Variants in PCDHA5 observed in about 807,000 individuals in gnomAD.
PCDHA5 encodes protocadherin alpha 5.
PCDHA5 carries 43 observed loss-of-function variants against 61.6 expected under a neutral mutation model. That is an observed-to-expected ratio of 0.70 (90% confidence interval 0.55 to 0.90). The LOEUF (loss-of-function observed/expected upper bound fraction) is 0.90. PCDHA5 is among the 40% of genes least tolerant of loss of function. The pLI is 0.00. For synonymous variants in PCDHA5, 627 were observed against 543.9 expected (o/e 1.15, Z -2.13); for missense variants, 1,298 against 1,222.7 (o/e 1.06, Z -0.92).
rs2150125115 is a variant in PCDHA5 at position 140,823,375 on chromosome 5, G to A, written c.1600G>A (p.Val534Met). 6 of 1,612,690 alleles carry A rather than the reference G, an allele frequency of 3.7e-6. No homozygotes were observed. The East Asian group carries it at 8.9e-5, about 24-fold the overall frequency. Residue 534 changes from valine to methionine, a missense_variant, in exon 1 of 4, where the codon GTG (valine) becomes ATG (methionine). Physicochemically the swap from Val to Met is conservative, Grantham distance 21. Coordinates refer to ENST00000529859, the MANE Select transcript of PCDHA5 (RefSeq NM_018908.3). The stretch of plus-strand genomic sequence containing the variant: ...GGAAGTGGAGCTGCTGCAGTTCCAG[G>A]TGAGCGCGCGCGACGCGGGCGTGCC... ...HEEVELLQFQ[V>M]SARDAGVPPL...
chr5:140,929,033 G>A (rs2085746479), intron 1 of PCDHA5: 1 of 1,614,186 alleles, frequency 6.2e-7, no homozygotes, highest in Non-Finnish European at 8.5e-7. Flanking sequence ...CCAGGCTGTT[G>A]CGCTCAGAGC....
rs2150238489 is a variant in PCDHA5 at position 140,835,571 on chromosome 5, G to C, written c.2352+11444G>C. 6 of 1,613,800 alleles carry C rather than the reference G, an allele frequency of 3.7e-6. 1 individual carries two copies. The highest frequency in any genetic ancestry group is 5.1e-6 in the Non-Finnish European group (6 of 1,179,886). On this transcript the variant is annotated intron_variant, in intron 1 of 3. Coordinates refer to ENST00000529859, the MANE Select transcript of PCDHA5 (RefSeq NM_018908.3). ...CCCTGACGCCCCGCGTTCCCTTCAAGTTGGTGTCCACCTTCAAGAATTACT... is the reference window on the plus strand; with the variant it reads ...CCCTGACGCCCCGCGTTCCCTTCAACTTGGTGTCCACCTTCAAGAATTACT...
rs144735555 is a variant in PCDHA5 at position 140,884,569 on chromosome 5, G to C, written c.2352+60442G>C. The stretch of plus-strand genomic sequence containing the variant: ...GCTCTGGGGAGGGCCCGCATAAGAC[G>C]GACCTCATGGCCTTCAGTCCCAGCC... On this transcript the variant is annotated intron_variant, in intron 1 of 3. Transcript: ENST00000529859. 7 of 1,614,008 alleles carry C rather than the reference G, an allele frequency of 4.3e-6. No individual in the cohort carries two copies. In the African/African-American group the frequency reaches 8.0e-5, roughly 18 times the overall value.
chr5:140,907,914 T>A (rs2073690399), intron 1 of PCDHA5, among the ~76,000 whole-genome samples: 4 of 152,242 alleles, frequency 2.6e-5, no homozygotes, highest in Admixed American at 1.3e-4. Context: ...TTTTGACCAC[T>A]CAGAGAGGTC....
chr5:140,886,463 GT>G (rs1387154249), intron 1 of PCDHA5, among the ~76,000 whole-genome samples: 5 of 152,042 alleles, frequency 3.3e-5, no homozygotes, highest in East Asian at 1.9e-4. Flanking sequence ...ATATATAAAT[GT>G]TTTTAAAATG....
intron 1 of PCDHA5, chr5:140,848,307 CTT>C (rs1781430296): frequency 1.4e-6 from 1 of 711,402 alleles, no homozygotes; most frequent in Non-Finnish European, 2.4e-6. Context: ...TGATGTCACT[CTT>C]TGCCGCGATG....
intron 3 of PCDHA5, among the ~76,000 whole-genome samples, chr5:140,984,944 TC>T (rs1554246626): frequency 6.6e-6 from 1 of 151,930 alleles, no homozygotes; most frequent in Non-Finnish European, 1.5e-5. Flanking sequence ...AAATGTCTAA[TC>T]TTTTTTTTTT....
chr5:140,959,038 A>ATG (rs1387162159), intron 1 of PCDHA5, among the ~76,000 whole-genome samples: 2 of 151,994 alleles, frequency 1.3e-5, no homozygotes, highest in Non-Finnish European at 2.9e-5. Flanking sequence ...ATGGGTATGT[A>ATG]TGTATAGGAA....
At chr5:140,968,322 C>T (rs782755782) in intron 1 of PCDHA5, 9 of 1,614,122 alleles carry the variant, frequency 5.6e-6, no homozygotes, top group Non-Finnish European at 6.8e-6. Context: ...CTGCCAGTCA[C>T]CTCCTATGTC....
rs2098418726 is a variant in PCDHA5 at position 141,010,899 on chromosome 5, C to T, written c.*962C>T. 2 of 153,680 alleles carry T rather than the reference C, an allele frequency of 1.3e-5. No individual in the cohort carries two copies. Among genetic ancestry groups the T allele is most frequent in the Admixed American group, 6.6e-5 (1 of 15,264 alleles). The allele number at this position is 153,680 out of a possible 1,614,324, so 9.5% of individuals were successfully genotyped here. ...TTTAAAGAGAAATATGAATACAATT[C>T]CCCTAAACTCTCCTCAAAAGAGAAT... On this transcript the variant is annotated 3_prime_UTR_variant, in exon 4 of 4. Coordinates refer to ENST00000529859, the MANE Select transcript of PCDHA5 (RefSeq NM_018908.3).
intron 3 of PCDHA5, among the ~76,000 whole-genome samples, chr5:140,987,510 C>A (rs1225122300): frequency 6.6e-6 from 1 of 152,184 alleles, no homozygotes; most frequent in Non-Finnish European, 1.5e-5. Flanking sequence ...ACCTCTGCCA[C>A]TCAGTAATTG....
At chr5:140,948,865 C>T (rs1358865868) in intron 1 of PCDHA5, among the ~76,000 whole-genome samples, 4 of 151,324 alleles carry the variant, frequency 2.6e-5, no homozygotes, top group African/African-American at 4.8e-5. Flanking sequence ...TATATTACTT[C>T]GGGTTTACTT....
chr5:140,948,315 G>A (rs246048), intron 1 of PCDHA5, among the ~76,000 whole-genome samples: 85,363 of 151,182 alleles, frequency 0.56, 24,689 homozygotes, highest in African/African-American at 0.69. Context: ...TTCTTGAGGG[G>A]TAATGTTTTC....
intron 1 of PCDHA5, chr5:140,859,219 T>G (rs901080538): frequency 2.0e-5 from 3 of 149,830 alleles, no homozygotes; most frequent in African/African-American, 4.9e-5. Context: ...CTCTTTCACT[T>G]TAAGGAAGGA....
chr5:140,990,758 C>G (rs1432023166), intron 3 of PCDHA5, among the ~76,000 whole-genome samples: 1 of 152,162 alleles, frequency 6.6e-6, no homozygotes, highest in African/African-American at 2.4e-5. Flanking sequence ...ACCTTTGAGC[C>G]TGTAAATTTG....
At chr5:140,906,736 A>G (rs1554192686) in intron 1 of PCDHA5, among the ~76,000 whole-genome samples, 1 of 152,132 alleles carries the variant, frequency 6.6e-6, no homozygotes, top group Admixed American at 6.5e-5. Context: ...GTAGTTTCCC[A>G]TTGACACAGG....
At chr5:140,886,615 C>A (rs1032902050) in intron 1 of PCDHA5, among the ~76,000 whole-genome samples, 2 of 152,028 alleles carry the variant, frequency 1.3e-5, no homozygotes, top group Admixed American at 1.3e-4. Flanking sequence ...ATCAGGAGAT[C>A]AGGAGTCCGA....
chr5:140,887,124 T>G (rs1554182893), intron 1 of PCDHA5, among the ~76,000 whole-genome samples: 2 of 151,068 alleles, frequency 1.3e-5, no homozygotes, highest in Admixed American at 6.6e-5. Flanking sequence ...TGAGACGGAG[T>G]CTCACTCTGT....
In PCDHA5 at chr5:140,869,463, C is replaced by A. The variant is rs1554163094; in HGVS notation, c.2352+45336C>A. On this transcript the variant is annotated intron_variant, in intron 1 of 3. Transcript: ENST00000529859. ...GGCCGCTGCAGGTTTTCCATGTGAACGTGGAGGTGAAGGACATTAACGACA... is the reference window on the plus strand; with the variant it reads ...GGCCGCTGCAGGTTTTCCATGTGAAAGTGGAGGTGAAGGACATTAACGACA... 2 of 1,614,148 alleles carry A rather than the reference C, an allele frequency of 1.2e-6. No homozygotes were observed. Among genetic ancestry groups the A allele is most frequent in the Admixed American group, 1.7e-5 (1 of 60,024 alleles).
Sources: gnomAD v4.1 joint callset for allele counts (sites outside exome capture counted in the v4.1 genomes callset) on GRCh38, gnomAD v4.1.1 for gene constraint, MANE v1.5 for transcripts, NCBI Gene and HGNC (gene_info 2026-07-23, HGNC 2026-07-21) for gene names.